The following NECAP2 variants were observed in gnomAD, a reference collection of about 807,000 sequenced individuals.
NECAP2 encodes the protein adaptin ear-binding coat-associated protein 2.
NECAP2 carries 38 observed loss-of-function variants against 37.8 expected under a neutral mutation model. That is an observed-to-expected ratio of 1.01 (90% CI 0.78 to 1.32). NECAP2 has a LOEUF of 1.32. Ranked by LOEUF, NECAP2 falls within the 40% of genes most tolerant of loss-of-function variation. NECAP2 has a pLI of 0.00. For synonymous variants in NECAP2, 121 were observed against 127.7 expected, an observed-to-expected ratio of 0.95 and a Z score of 0.35; for missense variants, 316 against 334.5, an observed-to-expected ratio of 0.94 and a Z score of 0.43.
At position 16,449,067 on chromosome 1, in the gene NECAP2, C is replaced by G; in HGVS notation, c.381-26C>G. On this transcript the variant is annotated intron_variant, in intron 4 of 7. Coordinates refer to ENST00000337132, the MANE Select transcript of NECAP2 (RefSeq NM_018090.5). Reference sequence around the variant, plus strand: ...GGGCAGCTGGTCTCTTCCTTCCTCACCTTTTTCCTCATGTTCTCTCCCCAG... The same window carrying G: ...GGGCAGCTGGTCTCTTCCTTCCTCAGCTTTTTCCTCATGTTCTCTCCCCAG... 3 of 1,537,208 alleles carry G rather than the reference C, an allele frequency of 2.0e-6. No homozygotes were observed. The South Asian group carries it at 3.5e-5, about 18-fold the overall frequency.
chr1:16,450,148 G>T (rs1271309904), intron 5 of NECAP2: 1 of 454,008 alleles, frequency 2.2e-6, no homozygotes, highest in Non-Finnish European at 4.4e-6. Context: ...CCTTAAGAGA[G>T]AAATGCAAGT....
intron 6 of NECAP2, among the ~76,000 whole-genome samples, chr1:16,452,824 C>T (rs2086866180): frequency 6.6e-6 from 1 of 151,254 alleles, no homozygotes; most frequent in Non-Finnish European, 1.5e-5. Context: ...CTTCCCCAGG[C>T]TGGGCGATTG....
intron 6 of NECAP2, among the ~76,000 whole-genome samples, chr1:16,453,252 G>A (rs2086872533): frequency 6.6e-6 from 1 of 151,792 alleles, no homozygotes; most frequent in Non-Finnish European, 1.5e-5. Context: ...TGGGATTACA[G>A]GCATGTGCCT....
rs2086927911 is a variant in NECAP2, at chr1:16,456,845, G to T, written c.743+952G>T. ...TTCTCCCATGTTGCTGGCTCTACAG[G>T]TGCACATCACCATGCCAGCTATTTT... On this transcript the variant is annotated intron_variant, in intron 7 of 7. Coordinates refer to ENST00000337132, the MANE Select transcript of NECAP2 (RefSeq NM_018090.5). Among the ~76,000 whole-genome samples, 5 of 152,126 alleles carry T rather than the reference G, an allele frequency of 3.3e-5. No individual in the cohort carries two copies. The South Asian group carries it at 1.0e-3, about 32-fold the overall frequency.
intron 2 of NECAP2, among the ~76,000 whole-genome samples, chr1:16,444,977 C>G (rs1226051755): frequency 6.6e-6 from 1 of 152,172 alleles, no homozygotes; most frequent in Non-Finnish European, 1.5e-5. Context: ...GCCCCCCCAC[C>G]ACGCCCAGCT....
Position 16,451,959 on chromosome 1 carries a change from G to C in NECAP2, c.611G>C (p.Gly204Ala), listed in dbSNP as rs1379165126. 2.5e-6 allele frequency: 4 copies of C among 1,612,106 alleles called. No individual in the cohort carries two copies. The highest frequency in any genetic ancestry group is 3.4e-6 in the Non-Finnish European group (4 of 1,178,962). The change falls in exon 6 of 8, where the codon GGG becomes GCG. Residue 204 changes from glycine (G) to alanine (A), a missense_variant. This residue lies in a region of NECAP2 where 204 missense variants were observed against 188.6 expected (regional missense o/e 1.08). Coordinates refer to ENST00000337132, the MANE Select transcript of NECAP2 (RefSeq NM_018090.5). ...ACCTCCACCCTGATCCCTCCCCCTG[G>C]GGAGCAGTTGGCTGTGGGGGGATCC... ...GKTSTLIPPP[G>A]EQLAVGGSLV...
At chr1:16,457,707 GT>G (rs56863489) in intron 7 of NECAP2, among the ~76,000 whole-genome samples, 4,675 of 105,428 alleles carry the variant, frequency 0.044, 74 homozygotes, top group African/African-American at 0.13. Flanking sequence ...TAGTAATTCT[GT>G]TTTTTTTTTT....
intron 2 of NECAP2, among the ~76,000 whole-genome samples, chr1:16,446,632 A>C (rs928649634): frequency 6.6e-6 from 1 of 151,632 alleles, no homozygotes; most frequent in African/African-American, 2.4e-5. Context: ...GCAGCCTCCA[A>C]CTCCTGGGGT....
intron 6 of NECAP2, 36 bp downstream of exon 6, chr1:16,452,051 T>C (rs918755977): frequency 6.6e-7 from 1 of 1,519,676 alleles, no homozygotes; most frequent in Non-Finnish European, 8.8e-7. Flanking sequence ...CATCAGTACC[T>C]GCCGGCTCCT....
In NECAP2 at chr1:16,442,596, C is replaced by G. The variant is rs143807676; in HGVS notation, c.93-1036C>G. Among the ~76,000 whole-genome samples, 667 of 152,308 alleles carry G rather than the reference C, an allele frequency of 4.4e-3. 1 individual carries two copies. The highest frequency in any genetic ancestry group is 6.9e-3 in the Admixed American group (106 of 15,288). ...TCTTGCTATTTGGGGATTTAACTGA[C>G]CTTTTCTTAGAACTAAAATGTGAAG... On this transcript the variant is annotated intron_variant, in intron 1 of 7. Transcript: ENST00000337132.
Position 16,458,960 on chromosome 1 carries a change from C to G in NECAP2, c.*70C>G, listed in dbSNP as rs41310378. On this transcript the variant is annotated 3_prime_UTR_variant, in exon 8 of 8. Coordinates refer to ENST00000337132, the MANE Select transcript of NECAP2 (RefSeq NM_018090.5). ...CTCATCTGGGCCAAAGGAAGGAGGA[C>G]GAAGCCCTCCTCAGCTGGCCTGTGT... 2.5e-6 allele frequency: 4 copies of G among 1,613,130 alleles called. No homozygotes were observed. The East Asian group carries it at 8.9e-5, about 36-fold the overall frequency.
At chr1:16,452,624 T>G (rs1349766171) in intron 6 of NECAP2, among the ~76,000 whole-genome samples, 2 of 152,112 alleles carry the variant, frequency 1.3e-5, no homozygotes, top group Non-Finnish European at 2.9e-5. Context: ...AGTGAGCACC[T>G]CGGGTGTGGG....
At chr1:16,442,685 T>C (rs957931332) in intron 1 of NECAP2, among the ~76,000 whole-genome samples, 9 of 152,202 alleles carry the variant, frequency 5.9e-5, no homozygotes, top group Admixed American at 1.3e-4. Context: ...CCCAACACTT[T>C]GGGAAGCCTC....
intron 1 of NECAP2, chr1:16,441,148 C>T (rs1271256418): frequency 2.3e-6 from 1 of 437,728 alleles, no homozygotes; most frequent in Admixed American, 3.7e-5. Context: ...GGTGATGTCA[C>T]AGACGCTTCT....
chr1:16,447,257 T>C (rs1432960745), intron 2 of NECAP2, among the ~76,000 whole-genome samples: 1 of 151,874 alleles, frequency 6.6e-6, no homozygotes, highest in Non-Finnish European at 1.5e-5. Flanking sequence ...GTGGAAATTT[T>C]ATGTTGTGCC....
chr1:16,449,320 G>A (rs1034809878), intron 5 of NECAP2, 119 bp downstream of exon 5: 1 of 673,492 alleles, frequency 1.5e-6, no homozygotes, highest in South Asian at 1.9e-5. Context: ...GTGAGCATCT[G>A]CCTTGTGCCA....
intron 1 of NECAP2, 45 bp from the exon 2 acceptor site, chr1:16,443,587 C>T: frequency 6.9e-7 from 1 of 1,457,546 alleles, no homozygotes; most frequent in East Asian, 2.3e-5. Context: ...TGGGGTCACA[C>T]AGCAGGAGCC....
rs767888125 is a variant in NECAP2, at chr1:16,448,062, C to T, written c.301C>T (p.Arg101Ter). The change falls in exon 4 of 8, where the codon CGA (arginine) becomes TGA (stop). Residue 101 changes from arginine (R) to a stop codon, truncating the protein, a stop_gained and splice_region_variant. Transcript: ENST00000337132. LOFTEE classifies it high-confidence loss of function. ...FVIRIEDGNG[R>*]RAFIGIGFGD... The stretch of plus-strand genomic sequence containing the variant: ...GTTGATCATGTGTTGTTCCCCAGGG[C>T]GACGGGCGTTTATTGGAATTGGCTT... 20 of 1,614,030 alleles carry T rather than the reference C, an allele frequency of 1.2e-5. No homozygotes were observed. The highest frequency in any genetic ancestry group is 3.3e-5 in the Admixed American group (2 of 60,000).
intron 1 of NECAP2, among the ~76,000 whole-genome samples, chr1:16,441,952 G>A (rs1453612971): frequency 6.6e-6 from 1 of 151,000 alleles, no homozygotes; most frequent in Admixed American, 6.6e-5. Context: ...ACCATTGATG[G>A]TCGTCTAGCC....
Sources: allele counts gnomAD v4.1 joint callset (sites outside exome capture counted in the v4.1 genomes callset), GRCh38; gene constraint gnomAD v4.1.1; regional missense constraint gnomAD v4.1.1; transcripts MANE v1.5; gene names NCBI Gene and HGNC (gene_info 2026-07-23, HGNC 2026-07-21).